Variants in YPEL1 observed in about 807,000 individuals in gnomAD.
YPEL1 encodes the protein yippee like 1.
YPEL1 carries 7 observed loss-of-function variants against 17.3 expected under a neutral mutation model. That is an observed-to-expected ratio of 0.40 (90% confidence interval 0.23 to 0.76). YPEL1 has a LOEUF of 0.76. Among genes scored for constraint, YPEL1 ranks in the 30% least tolerant of loss-of-function variants. The probability of loss-of-function intolerance (pLI) is 0.35; values close to 1 mark genes in which losing one functional copy is unlikely to be tolerated. For synonymous variants in YPEL1, 59 were observed against 59.6 expected (o/e 0.99, Z 0.05); for missense variants, 91 against 155.5 (o/e 0.59, Z 2.21).
At chr22:21,725,132 C>T (rs991132808) in intron 1 of YPEL1, among the ~76,000 whole-genome samples, 13 of 151,880 alleles carry the variant, frequency 8.6e-5, no homozygotes, top group Non-Finnish European at 1.6e-4. Flanking sequence ...TGGTCTCGAC[C>T]TCCTGACCTC....
At chr22:21,706,245 A>G (rs2068114513) in intron 2 of YPEL1, among the ~76,000 whole-genome samples, 1 of 150,794 alleles carries the variant, frequency 6.6e-6, no homozygotes, top group Non-Finnish European at 1.5e-5. Flanking sequence ...CCTGGCCAAC[A>G]TGGTGAAACC....
intron 1 of YPEL1, among the ~76,000 whole-genome samples, chr22:21,716,584 A>G (rs996621139): frequency 6.6e-5 from 10 of 152,302 alleles, no homozygotes; most frequent in Admixed American, 5.9e-4. Context: ...GAAGATTCCA[A>G]AAGCTCACAG....
intron 1 of YPEL1, among the ~76,000 whole-genome samples, chr22:21,730,381 G>C (rs1285973874): frequency 6.6e-6 from 1 of 152,030 alleles, no homozygotes; most frequent in East Asian, 1.9e-4. Flanking sequence ...CTCCCACCAT[G>C]CCTGGCTAAG....
chr22:21,710,558 C>G, intron 2 of YPEL1, 70 bp downstream of exon 2: 1 of 1,290,900 alleles, frequency 7.7e-7, no homozygotes. Context: ...CTTAAATATT[C>G]TTCCACTATG....
At chr22:21,722,306 C>G (rs771000440) in intron 1 of YPEL1, among the ~76,000 whole-genome samples, 3 of 152,180 alleles carry the variant, frequency 2.0e-5, no homozygotes, top group Non-Finnish European at 2.9e-5. Flanking sequence ...GTCCCAGCTA[C>G]TTGGGAGGCT....
intron 2 of YPEL1, chr22:21,704,249 G>T (rs1207644518): frequency 4.2e-6 from 3 of 708,484 alleles, no homozygotes; most frequent in Non-Finnish European, 7.9e-6. Context: ...AAAACCCACA[G>T]ATCCTCAAAA....
chr22:21,699,190 T>A lies in YPEL1; in HGVS notation c.*1939A>T, dbSNP rs981180546. 6.6e-6 allele frequency: 1 copy of A among 152,184 alleles called. No individual in the cohort carries two copies. Among genetic ancestry groups the A allele is most frequent in the Admixed American group, 6.6e-5 (1 of 15,242 alleles). The allele number at this position is 152,184 out of a possible 1,614,324, so 9.4% of individuals were successfully genotyped here. Reference sequence around the variant, plus strand: ...TAGGAAGGGCTGAAGTCGGGGGAGGTGTGAAGCTGGGCAGGTGGCCACGTT... The same window carrying A: ...TAGGAAGGGCTGAAGTCGGGGGAGGAGTGAAGCTGGGCAGGTGGCCACGTT... On this transcript the variant is annotated 3_prime_UTR_variant, in exon 5 of 5. Transcript: ENST00000339468.
chr22:21,704,048 C>A, intron 2 of YPEL1, 166 bp from the exon 3 acceptor site: 3 of 771,294 alleles, frequency 3.9e-6, no homozygotes, highest in Middle Eastern at 2.2e-4. Flanking sequence ...CTAATAACAG[C>A]CACTTAACGG....
chr22:21,726,185 G>A (rs112926348), intron 1 of YPEL1, among the ~76,000 whole-genome samples: 6,668 of 152,178 alleles, frequency 0.044, 230 homozygotes, highest in Non-Finnish European at 0.073. Flanking sequence ...CCAAAGAGCA[G>A]TGCACAAGCC....
intron 2 of YPEL1, among the ~76,000 whole-genome samples, chr22:21,704,336 C>G (rs1054254764): frequency 2.0e-5 from 3 of 152,120 alleles, no homozygotes; most frequent in African/African-American, 7.2e-5. Context: ...GGGGAGGTGT[C>G]CATATTTTCC....
At chr22:21,734,345 C>A (rs549119026) in intron 1 of YPEL1, among the ~76,000 whole-genome samples, 1 of 152,270 alleles carries the variant, frequency 6.6e-6, no homozygotes, top group African/African-American at 2.4e-5. Flanking sequence ...TGTACCACAG[C>A]AGTGTAGGAT....
chr22:21,725,909 G>A (rs2068331550), intron 1 of YPEL1, among the ~76,000 whole-genome samples: 2 of 152,144 alleles, frequency 1.3e-5, no homozygotes, highest in Non-Finnish European at 2.9e-5. Flanking sequence ...TGAAACTGGA[G>A]GATTGCTTAA....
rs1029116868 is a variant in YPEL1 at position 21,703,012 on chromosome 22, A to C, written c.270+358T>G. Among the ~76,000 whole-genome samples the C allele has an allele frequency of 1.3e-5, 2 of 152,212 alleles. No homozygotes were observed. The highest frequency in any genetic ancestry group is 2.9e-5 in the Non-Finnish European group (2 of 68,020). On this transcript the variant is annotated intron_variant, in intron 4 of 4. Transcript: ENST00000339468. The surrounding 1 kb of genome is among the most constrained non-coding windows in gnomAD (Gnocchi z 6.1). ...GAGGTCTTCTAGACTTGTCCCTGAC[A>C]GTGGGCACAGCCTCCCGCAGCCCCC...
intron 1 of YPEL1, among the ~76,000 whole-genome samples, chr22:21,717,449 G>A (rs1480863299): frequency 6.6e-6 from 1 of 151,958 alleles, no homozygotes; most frequent in African/African-American, 2.4e-5. Flanking sequence ...ATGTGAAGCA[G>A]GGAGAGATGA....
chr22:21,710,701 G>C lies in YPEL1; in HGVS notation c.44C>G (p.Pro15Arg). 1.2e-6 allele frequency: 2 copies of C among 1,614,186 alleles called. No homozygotes were observed. Among genetic ancestry groups the C allele is most frequent in the Non-Finnish European group, 1.7e-6 (2 of 1,180,042 alleles). The change falls in exon 2 of 5, where the codon CCG becomes CGG. Residue 15 changes from proline to arginine, a missense_variant. Pro to Arg is a moderately radical substitution (Grantham distance 103). Coordinates refer to ENST00000339468, the MANE Select transcript of YPEL1 (RefSeq NM_013313.5). ...TKSKTFQAYL[P>R]NCHRTYSCIH... ...ACAGCTGTACGTTCGGTGACAGTTC[G>C]GCAGATACGCTTGGAAAGTTTTGGA...
rs147967901 is a variant in YPEL1 at position 21,703,708 on chromosome 22, C to CGGGA, written c.161+130_161+131insTCCC. 5 of 990,504 alleles carry CGGGA rather than the reference C, an allele frequency of 5.0e-6. No homozygotes were observed. The highest frequency in any genetic ancestry group is 7.4e-6 in the Non-Finnish European group (5 of 675,362). 61.4% of individuals were successfully genotyped at this position (990,504 alleles called of 1,614,324 possible). ...ATCCTTAGCGCGTTTCAGAAACTCC[C>CGGGA]GGCGGGGGGATGGTGGGTTCTTTCA... On this transcript the variant is annotated intron_variant, in intron 3 of 4. Transcript: ENST00000339468. This position sits in a 1 kb window ranked among gnomAD's most constrained non-coding sequence, Gnocchi z 6.1.
At chr22:21,704,011 C>A in intron 2 of YPEL1, 129 bp from the exon 3 acceptor site, 1 of 994,656 alleles carries the variant, frequency 1.0e-6, no homozygotes, top group East Asian at 2.6e-5. Flanking sequence ...GAGCAGACAC[C>A]GGCGTCCCCC....
chr22:21,710,889 G>C lies in YPEL1; in HGVS notation c.-145C>G. ...GCGTGTGGCACTGTCCACACAGCTGGGACGAGAGAAAAACGTAACCTGCCA... is the reference window on the plus strand; with the variant it reads ...GCGTGTGGCACTGTCCACACAGCTGCGACGAGAGAAAAACGTAACCTGCCA... On this transcript the variant is annotated 5_prime_UTR_variant, in exon 2 of 5. Transcript: ENST00000339468. The C allele has an allele frequency of 1.4e-6, 1 of 732,896 alleles. No homozygotes were observed. The highest frequency in any genetic ancestry group is 2.4e-6 in the Non-Finnish European group (1 of 413,106). The allele number at this position is 732,896 out of a possible 1,614,324, so 45.4% of individuals were successfully genotyped here. A position where few individuals can be genotyped will look rare whatever the true frequency, so the allele number is the denominator to read the frequency against.
chr22:21,728,629 C>A (rs1283393623), intron 1 of YPEL1, among the ~76,000 whole-genome samples: 1 of 152,164 alleles, frequency 6.6e-6, no homozygotes, highest in Non-Finnish European at 1.5e-5. Context: ...CCTTGGACCA[C>A]GGTGTCCAAG....
Sources: gnomAD v4.1 joint callset for allele counts (sites outside exome capture counted in the v4.1 genomes callset) on GRCh38, gnomAD v4.1.1 for gene constraint, Gnocchi (gnomAD v3.1) non-coding constraint, MANE v1.5 for transcripts, NCBI Gene and HGNC (gene_info 2026-07-23, HGNC 2026-07-21) for gene names.